Variants in SPATA18 observed in about 807,000 individuals in gnomAD.
SPATA18 encodes spermatogenesis associated 18.
Under a neutral mutation model 68.1 loss-of-function variants are expected in SPATA18, and 54 were observed. The observed-to-expected ratio is 0.79, with a 90% CI of 0.64 to 0.99. The LOEUF is 0.99. SPATA18 is among the 50% of genes least tolerant of loss of function. The pLI is 0.00. For synonymous variants in SPATA18, 242 were observed against 244.8 expected (o/e 0.99, Z 0.11); for missense variants, 724 against 681.1 (o/e 1.06, Z -0.70).
chr4:52,072,824 T>A (rs925894713), intron 6 of SPATA18, among the ~76,000 whole-genome samples: 20 of 152,060 alleles, frequency 1.3e-4, no homozygotes, highest in Admixed American at 9.2e-4. Flanking sequence ...TGCCTGGGAG[T>A]CCTCTCTCCA....
At chr4:52,075,803 T>G (rs1740288639) in intron 6 of SPATA18, among the ~76,000 whole-genome samples, 1 of 152,204 alleles carries the variant, frequency 6.6e-6, no homozygotes, top group Non-Finnish European at 1.5e-5. Flanking sequence ...TGCCCCGGCT[T>G]TATCATTGTT....
chr4:52,090,368 C>T (rs1741828505), intron 11 of SPATA18, among the ~76,000 whole-genome samples: 1 of 152,156 alleles, frequency 6.6e-6, no homozygotes, highest in Admixed American at 6.6e-5. Flanking sequence ...GCAGTTCCTT[C>T]ATAGTGTCAA....
intron 10 of SPATA18, 62 bp downstream of exon 10, chr4:52,082,572 T>G (rs764069586): frequency 6.2e-7 from 1 of 1,613,070 alleles, no homozygotes; most frequent in African/African-American, 1.3e-5. Flanking sequence ...TTCGAGAACA[T>G]TTATAAACCC....
chr4:52,074,988 C>G (rs988821661), intron 6 of SPATA18, among the ~76,000 whole-genome samples: 1 of 152,114 alleles, frequency 6.6e-6, no homozygotes, highest in Non-Finnish European at 1.5e-5. Flanking sequence ...CTTTGAGAGG[C>G]TTGGTTATAA....
intron 9 of SPATA18, 38 bp from the exon 10 acceptor site, chr4:52,082,348 TG>T (rs753222915): frequency 6.3e-7 from 1 of 1,587,098 alleles, no homozygotes; most frequent in Non-Finnish European, 8.6e-7. Context: ...GCTCCATAAT[TG>T]CTTAACTTCT....
Position 52,071,996 on chromosome 4 carries a change from C to G in SPATA18, c.598C>G (p.Pro200Ala), listed in dbSNP as rs766833641. Residue 200 changes from proline (P) to alanine (A), a missense_variant, in exon 6 of 13, where the codon CCT becomes GCT. Transcript: ENST00000295213. ...GAGCTCAGAGAATAGGCGGTCAGAGCCTTGGAGCTTGGAGGAGCGGAAGCG... is the reference window on the plus strand; with the variant it reads ...GAGCTCAGAGAATAGGCGGTCAGAGGCTTGGAGCTTGGAGGAGCGGAAGCG... Reference protein sequence around the residue: ...QRSSENRRSEPWSLEERKREQ... With the variant: ...QRSSENRRSEAWSLEERKREQ... The G allele has an allele frequency of 1.1e-5, 18 of 1,613,952 alleles. No individual in the cohort carries two copies. Among genetic ancestry groups the G allele is most frequent in the Non-Finnish European group, 1.4e-5 (16 of 1,180,006 alleles).
chr4:52,076,864 A>C lies in SPATA18; in HGVS notation c.844A>C (p.Lys282Gln). The part of the protein sequence containing the change: ...SRSASPSTAV[K>Q]VRRPSPNRSK... Reference sequence around the variant, plus strand: ...ATCTGCCAGCCCCTCCACCGCTGTCAAGGTCAGGAGACCGTCCCCAAACCG... The same window carrying C: ...ATCTGCCAGCCCCTCCACCGCTGTCCAGGTCAGGAGACCGTCCCCAAACCG... Residue 282 changes from lysine to glutamine, a missense_variant, in exon 7 of 13, where the codon AAG (lysine) becomes CAG (glutamine). Transcript: ENST00000295213. 3.1e-6 allele frequency: 5 copies of C among 1,614,208 alleles called. No individual in the cohort carries two copies. Among genetic ancestry groups the C allele is most frequent in the Non-Finnish European group, 3.4e-6 (4 of 1,180,022 alleles).
chr4:52,086,164 C>G (rs970943082), intron 11 of SPATA18, among the ~76,000 whole-genome samples: 1 of 152,166 alleles, frequency 6.6e-6, no homozygotes, highest in Non-Finnish European at 1.5e-5. Flanking sequence ...GAAATTGCCT[C>G]TAGCATGCAG....
chr4:52,052,802 T>C (rs950258661), intron 1 of SPATA18, among the ~76,000 whole-genome samples: 3 of 152,248 alleles, frequency 2.0e-5, no homozygotes, highest in African/African-American at 4.8e-5. Context: ...CTGCCTGTTA[T>C]GAGGTCCTTA....
chr4:52,095,970 C>A lies in SPATA18; in HGVS notation c.*1083C>A, dbSNP rs1248912878. 1 of 152,118 alleles carries A rather than the reference C, an allele frequency of 6.6e-6. No homozygotes were observed. Among genetic ancestry groups the A allele is most frequent in the Non-Finnish European group, 1.5e-5 (1 of 68,040 alleles). The allele number at this position is 152,118 out of a possible 1,614,324, so 9.4% of individuals were successfully genotyped here. Reference sequence around the variant, plus strand: ...CTTTTAAGTCAGCCTTAAACACATGCCTCACAAACATCTACTTTCTCCACA... The same window carrying A: ...CTTTTAAGTCAGCCTTAAACACATGACTCACAAACATCTACTTTCTCCACA... On this transcript the variant is annotated 3_prime_UTR_variant, in exon 13 of 13. Coordinates refer to ENST00000295213, the MANE Select transcript of SPATA18 (RefSeq NM_145263.4).
intron 11 of SPATA18, among the ~76,000 whole-genome samples, chr4:52,091,492 T>C (rs1176683443): frequency 5.9e-5 from 9 of 152,326 alleles, no homozygotes; most frequent in Non-Finnish European, 1.3e-4. Context: ...ATGCTAATCC[T>C]TTCTGTTTGT....
intron 1 of SPATA18, 67 bp downstream of exon 1, chr4:52,051,858 A>G: frequency 6.8e-7 from 1 of 1,463,168 alleles, no homozygotes; most frequent in Non-Finnish European, 9.5e-7. Flanking sequence ...CTTGTCGGGG[A>G]TTTCTTAGGG....
chr4:52,059,173 G>A (rs1013364590), intron 1 of SPATA18, among the ~76,000 whole-genome samples: 1 of 152,160 alleles, frequency 6.6e-6, no homozygotes, highest in African/African-American at 2.4e-5. Flanking sequence ...CTTGGTTGAT[G>A]CAGATGTGCT....
At chr4:52,060,956 A>C in intron 3 of SPATA18, 59 bp downstream of exon 3, 2 of 1,356,688 alleles carry the variant, frequency 1.5e-6, no homozygotes, top group East Asian at 2.3e-5. Context: ...ACGAATCAGA[A>C]ACCTCCAAGA....
chr4:52,064,701 A>C (rs1376897037), intron 4 of SPATA18, among the ~76,000 whole-genome samples: 1 of 152,176 alleles, frequency 6.6e-6, no homozygotes, highest in Non-Finnish European at 1.5e-5. Context: ...GGTTGGTTCC[A>C]TATCTCTGCA....
chr4:52,079,859 C>A lies in SPATA18; in HGVS notation c.1295C>A (p.Ala432Asp), dbSNP rs751697348. Residue 432 changes from alanine to aspartate, a missense_variant, in exon 9 of 13, where the codon GCC becomes GAC. Transcript: ENST00000295213. ...TGTTGCATTGCCTTTGCAATGCAGG[C>A]CTTAGAACCACCCCTAGATATTGCA... is the stretch of plus-strand genomic sequence containing the variant. ...EICCIAFAMQ[A>D]LEPPLDIAYG... 2 of 1,614,000 alleles carry A rather than the reference C, an allele frequency of 1.2e-6. No individual in the cohort carries two copies. Among genetic ancestry groups the A allele is most frequent in the East Asian group, 4.5e-5 (2 of 44,874 alleles).
intron 1 of SPATA18, among the ~76,000 whole-genome samples, chr4:52,058,380 G>C (rs1030253740): frequency 6.6e-6 from 1 of 152,150 alleles, no homozygotes; most frequent in African/African-American, 2.4e-5. Context: ...TTAGTCATCA[G>C]GTACCATTTA....
rs61796784 is a variant in SPATA18, at chr4:52,056,158, C to T, written c.88-4261C>T. Among the ~76,000 whole-genome samples, 800 of 152,270 alleles carry T rather than the reference C, an allele frequency of 5.3e-3. 3 individuals are homozygous for T. Among genetic ancestry groups the T allele is most frequent in the Middle Eastern group, 0.014 (4 of 294 alleles). On this transcript the variant is annotated intron_variant, in intron 1 of 12. Coordinates refer to ENST00000295213, the MANE Select transcript of SPATA18 (RefSeq NM_145263.4). Reference sequence around the variant, plus strand: ...TTCTGCCCTCAGCCCTCTCCTCACTCTTTCCTCTCCCTGGTAATCTCATCT... The same window carrying T: ...TTCTGCCCTCAGCCCTCTCCTCACTTTTTCCTCTCCCTGGTAATCTCATCT...
intron 6 of SPATA18, 98 bp from the exon 7 acceptor site, chr4:52,076,681 G>T: frequency 1.3e-6 from 2 of 1,515,136 alleles, no homozygotes; most frequent in Admixed American, 1.9e-5. Flanking sequence ...AAGGAGTTTT[G>T]CCTCCGGATG....
Sources: gnomAD v4.1 joint callset for allele counts (sites outside exome capture counted in the v4.1 genomes callset) on GRCh38, gnomAD v4.1.1 for gene constraint, MANE v1.5 for transcripts, NCBI Gene and HGNC (gene_info 2026-07-23, HGNC 2026-07-21) for gene names.